Variants in JMJD1C observed in about 807,000 individuals in gnomAD.
The protein encoded by JMJD1C is jumonji domain-containing protein 1C.
JMJD1C carries 31 observed loss-of-function variants against 245.3 expected under a neutral mutation model. The ratio of observed to expected loss-of-function variants is 0.13; its 90% CI spans 0.09 to 0.17. JMJD1C has a LOEUF of 0.17. JMJD1C is among the 10% of genes least tolerant of loss of function. The pLI is 1.00. For missense variants in JMJD1C, 2,691 were observed against 3,000.2 expected, an observed-to-expected ratio of 0.90 and a Z score of 2.41; for synonymous variants, 1,057 against 1,017.4, an observed-to-expected ratio of 1.04 and a Z score of -0.74.
At chr10:63,258,412 C>G (rs1854250169) in intron 3 of JMJD1C, among the ~76,000 whole-genome samples, 1 of 152,202 alleles carries the variant, frequency 6.6e-6, no homozygotes, top group Non-Finnish European at 1.5e-5. Context: ...CATTGTTACA[C>G]AGATAATTTT....
intron 1 of JMJD1C, among the ~76,000 whole-genome samples, chr10:63,400,279 G>A (rs182105444): frequency 5.5e-4 from 83 of 152,168 alleles, no homozygotes; most frequent in Non-Finnish European, 6.3e-4. Flanking sequence ...TCCTAAGGTA[G>A]GATTTCCTAG....
At chr10:63,187,965 C>A (rs534158141) in intron 18 of JMJD1C, among the ~76,000 whole-genome samples, 1 of 152,290 alleles carries the variant, frequency 6.6e-6, no homozygotes, top group South Asian at 2.1e-4. Flanking sequence ...CCCCCATGAA[C>A]CATCATGTAT....
chr10:63,521,619 A>G (rs1335029158), intron 1 of JMJD1C: 2 of 1,355,490 alleles, frequency 1.5e-6, no homozygotes, highest in South Asian at 1.6e-5. Flanking sequence ...CGCGAGGCCC[A>G]GGGGAGCTGT....
chr10:63,180,314 T>C (rs535139653), intron 22 of JMJD1C, among the ~76,000 whole-genome samples: 1 of 152,312 alleles, frequency 6.6e-6, no homozygotes, highest in African/African-American at 2.4e-5. Context: ...AATTGAAACA[T>C]TTGGTAAGTG....
chr10:63,176,601 G>T (rs10995455), intron 23 of JMJD1C, 128 bp from the exon 24 acceptor site: 1 of 674,142 alleles, frequency 1.5e-6, no homozygotes. Flanking sequence ...AACTGAATGA[G>T]CTTCTTCAGT....
chr10:63,241,344 G>C (rs1035386684), intron 3 of JMJD1C, among the ~76,000 whole-genome samples: 4 of 152,146 alleles, frequency 2.6e-5, no homozygotes, highest in African/African-American at 7.2e-5. Flanking sequence ...TATGACAGAA[G>C]ACGAGCAGTA....
chr10:63,440,351 A>ATAT (rs541868337), intron 1 of JMJD1C, among the ~76,000 whole-genome samples: 3,406 of 67,500 alleles, frequency 0.05, 49 homozygotes, highest in South Asian at 0.12. Flanking sequence ...AAAAAAAAAA[A>ATAT]AAATATATAT....
intron 2 of JMJD1C, among the ~76,000 whole-genome samples, chr10:63,275,290 T>G (rs996933074): frequency 1.3e-5 from 2 of 152,210 alleles, no homozygotes; most frequent in African/African-American, 4.8e-5. Context: ...GAGAGCAAAG[T>G]GTTTTGCCAT....
chr10:63,309,610 C>G (rs1478456520), intron 2 of JMJD1C, among the ~76,000 whole-genome samples: 1 of 146,230 alleles, frequency 6.8e-6, no homozygotes, highest in African/African-American at 2.5e-5. Context: ...CACATTGAAA[C>G]ATTTTGATTC....
At chr10:63,326,477 T>C (rs1250407513) in intron 2 of JMJD1C, among the ~76,000 whole-genome samples, 3 of 152,012 alleles carry the variant, frequency 2.0e-5, no homozygotes, top group African/African-American at 7.2e-5. Context: ...AAATCAGTAA[T>C]GTTATAAGAT....
chr10:63,247,735 A>G (rs902965879), intron 3 of JMJD1C, among the ~76,000 whole-genome samples: 2 of 151,412 alleles, frequency 1.3e-5, no homozygotes, highest in South Asian at 2.1e-4. Flanking sequence ...AAAAAAAAAA[A>G]AAAGAAACAA....
chr10:63,375,053 T>C (rs932942019), intron 2 of JMJD1C, among the ~76,000 whole-genome samples: 2 of 152,190 alleles, frequency 1.3e-5, no homozygotes, highest in Non-Finnish European at 2.9e-5. Context: ...AAATACTATG[T>C]TGAGTGGACA....
intron 1 of JMJD1C, among the ~76,000 whole-genome samples, chr10:63,493,426 C>T (rs966302692): frequency 2.0e-5 from 3 of 151,436 alleles, no homozygotes; most frequent in Non-Finnish European, 4.4e-5. Context: ...CGATTATAGG[C>T]GTCAGCCACC....
rs1846395750 is a variant in JMJD1C at position 63,204,699 on chromosome 10, T to C, written c.5074+1896A>G. 7.1e-6 allele frequency: 7 copies of C among 985,438 alleles called. No homozygotes were observed. In the South Asian group the frequency reaches 1.9e-4, roughly 26 times the overall value. The allele number at this position is 985,438 out of a possible 1,614,324, so 61.0% of individuals were successfully genotyped here. On this transcript the variant is annotated intron_variant, in intron 10 of 25. Coordinates refer to ENST00000399262, the MANE Select transcript of JMJD1C (RefSeq NM_032776.3). Reference sequence around the variant, plus strand: ...CAAGTAAATGGCAGGTATCCTTCGATGTTAATCCCCCTCTCTGTCTTCTGA... The same window carrying C: ...CAAGTAAATGGCAGGTATCCTTCGACGTTAATCCCCCTCTCTGTCTTCTGA...
intron 1 of JMJD1C, among the ~76,000 whole-genome samples, chr10:63,514,240 T>C (rs1954952360): frequency 6.6e-6 from 1 of 152,152 alleles, no homozygotes; most frequent in Admixed American, 6.5e-5. Context: ...GAAAGAACTT[T>C]AAAAGAACTA....
At chr10:63,415,374 TAATA>T (rs926132989) in intron 1 of JMJD1C, among the ~76,000 whole-genome samples, 1 of 152,308 alleles carries the variant, frequency 6.6e-6, no homozygotes, top group African/African-American at 2.4e-5. Flanking sequence ...TATGTGATAT[TAATA>T]AACAGTTATC....
chr10:63,177,291 G>A (rs1842949726), intron 23 of JMJD1C: 1 of 202,918 alleles, frequency 4.9e-6, no homozygotes, highest in Non-Finnish European at 9.9e-6. Context: ...AGTATCAGAT[G>A]TGATAGAGTA....
chr10:63,283,707 G>A (rs1253467815), intron 2 of JMJD1C, among the ~76,000 whole-genome samples: 1 of 151,980 alleles, frequency 6.6e-6, no homozygotes, highest in Non-Finnish European at 1.5e-5. Flanking sequence ...TTCATTTCAG[G>A]AATTCTCAGA....
intron 22 of JMJD1C, among the ~76,000 whole-genome samples, chr10:63,180,779 T>C (rs1187933775): frequency 2.0e-5 from 3 of 151,314 alleles, no homozygotes; most frequent in East Asian, 1.9e-4. Context: ...ATTTTTTTTT[T>C]TTTTTTTGAG....
Sources: gnomAD v4.1 joint callset for allele counts (sites outside exome capture counted in the v4.1 genomes callset) on GRCh38, gnomAD v4.1.1 for gene constraint, MANE v1.5 for transcripts, NCBI Gene and HGNC (gene_info 2026-07-23, HGNC 2026-07-21) for gene names.